Variants in MACF1 observed in about 807,000 individuals in gnomAD.
MACF1 encodes the protein microtubule-actin cross-linking factor 1.
MACF1 carries 193 observed loss-of-function variants against 854.8 expected under a neutral mutation model. That is an observed-to-expected ratio of 0.23 (90% CI 0.20 to 0.25). The LOEUF (loss-of-function observed/expected upper bound fraction) is 0.25, where lower values mean the gene tolerates loss of function less well. Ranked by LOEUF, MACF1 falls within the 10% of genes least tolerant of loss-of-function variation. The pLI, the probability that MACF1 is intolerant of heterozygous loss-of-function variation, is 1.00. For missense variants in MACF1, 7,722 were observed against 8,929.1 expected, an observed-to-expected ratio of 0.86 and a Z score of 5.45; for synonymous variants, 3,185 against 3,226.7, an observed-to-expected ratio of 0.99 and a Z score of 0.44.
At chr1:39,273,653 C>T (rs1452188429) in intron 6 of MACF1, among the ~76,000 whole-genome samples, 1 of 151,714 alleles carries the variant, frequency 6.6e-6, no homozygotes, top group Non-Finnish European at 1.5e-5. Flanking sequence ...GGCTGGAATG[C>T]GGTGGCCCTA....
At chr1:39,410,429 A>G in intron 58 of MACF1, 2 of 1,614,058 alleles carry the variant, frequency 1.2e-6, no homozygotes, top group Non-Finnish European at 1.7e-6. Context: ...TCAAAGCTTA[A>G]CCAGACTTCA....
chr1:39,125,436 A>G (rs1241406811), intron 2 of MACF1, among the ~76,000 whole-genome samples: 1 of 152,230 alleles, frequency 6.6e-6, no homozygotes, highest in East Asian at 1.9e-4. Context: ...TGAATAAGAT[A>G]ATACGTATTA....
chr1:39,193,875 CTGT>C lies in MACF1; in HGVS notation c.221-37301_221-37299del, dbSNP rs767066236. Among the ~76,000 whole-genome samples the C allele has an allele frequency of 6.6e-5, 10 of 152,090 alleles. No homozygotes were observed. In the East Asian group the frequency reaches 1.9e-3, roughly 29 times the overall value. ...TTTTTCTTTTTTTGAGACAGTTTCG[CTGT>C]TGTTGCCCAGGCTGGGGTGCAGTGG... On this transcript the variant is annotated intron_variant, in intron 2 of 93. Transcript: ENST00000361689.
At chr1:39,404,803 G>T (rs866856382) in intron 58 of MACF1, among the ~76,000 whole-genome samples, 8 of 152,166 alleles carry the variant, frequency 5.3e-5, no homozygotes, top group African/African-American at 1.9e-4. Flanking sequence ...CTTCTTTAGA[G>T]TCCTGCCTTC....
intron 58 of MACF1, among the ~76,000 whole-genome samples, chr1:39,421,018 A>T (rs551057219): frequency 1.3e-5 from 2 of 152,084 alleles, no homozygotes; most frequent in African/African-American, 4.8e-5. Flanking sequence ...GGTGCCCGCC[A>T]CCATGCCCGT....
intron 2 of MACF1, among the ~76,000 whole-genome samples, chr1:39,183,955 A>G (rs1644135681): frequency 6.6e-6 from 1 of 152,216 alleles, no homozygotes; most frequent in African/African-American, 2.4e-5. Context: ...CATCAAAGGA[A>G]TTTCAAAGAA....
chr1:39,348,270 C>T (rs1221306104), intron 41 of MACF1, among the ~76,000 whole-genome samples: 2 of 152,048 alleles, frequency 1.3e-5, no homozygotes, highest in African/African-American at 4.8e-5. Flanking sequence ...CATGATATAA[C>T]CTTTGGATAA....
At chr1:39,187,816 GT>G (rs1480972205) in intron 2 of MACF1, among the ~76,000 whole-genome samples, 1 of 150,488 alleles carries the variant, frequency 6.6e-6, no homozygotes, top group East Asian at 2.0e-4. Flanking sequence ...TGCCTTTTAA[GT>G]CTCTCTAAGG....
chr1:39,162,065 G>C (rs1643810156), intron 2 of MACF1, among the ~76,000 whole-genome samples: 1 of 151,194 alleles, frequency 6.6e-6, no homozygotes, highest in Admixed American at 6.6e-5. Context: ...CTGTCTCTCT[G>C]TCTTTTTTTT....
intron 2 of MACF1, among the ~76,000 whole-genome samples, chr1:39,157,990 T>G (rs949862543): frequency 6.6e-6 from 1 of 152,224 alleles, no homozygotes; most frequent in Non-Finnish European, 1.5e-5. Flanking sequence ...CTTTCAAAGA[T>G]GAGTCTAATA....
intron 63 of MACF1, 25 bp downstream of exon 63, chr1:39,428,312 G>T: frequency 6.4e-7 from 1 of 1,551,316 alleles, no homozygotes; most frequent in Non-Finnish European, 8.7e-7. Context: ...ATTTTTATTG[G>T]TTATGTTATT....
chr1:39,099,636 T>A (rs1194217853), intron 2 of MACF1, among the ~76,000 whole-genome samples: 1 of 152,232 alleles, frequency 6.6e-6, no homozygotes, highest in Non-Finnish European at 1.5e-5. Flanking sequence ...CCTTGACCAC[T>A]GAGTGGACAT....
rs761688529 is a variant in MACF1, at chr1:39,435,772, G to A, written c.17988+11G>A. 3.7e-6 allele frequency: 6 copies of A among 1,611,396 alleles called. No individual in the cohort carries two copies. In the South Asian group the frequency reaches 6.6e-5, roughly 18 times the overall value. Reference sequence around the variant, plus strand: ...TCCCAGTCCACACAGGTATGTGTGTGTCTGACACTCATAACCTTGAATTGT... The same window carrying A: ...TCCCAGTCCACACAGGTATGTGTGTATCTGACACTCATAACCTTGAATTGT... On this transcript the variant is annotated intron_variant, in intron 70 of 100. Coordinates refer to ENST00000564288, the MANE Select transcript of MACF1 (RefSeq NM_001394062.1).
At chr1:39,398,063 T>A (rs1472423266) in intron 58 of MACF1, among the ~76,000 whole-genome samples, 6 of 151,906 alleles carry the variant, frequency 3.9e-5, no homozygotes. Context: ...AAGGTCTGTT[T>A]GGCACCAAAG....
chr1:39,486,537 CTT>C lies in MACF1; in HGVS notation c.*744_*745del, dbSNP rs2124277317. ...CTATCCAGCCTAGACACCAGTAACT[CTT>C]GTGTTCACCAGGACCCAGACCCTTG... On this transcript the variant is annotated 3_prime_UTR_variant, in exon 101 of 101. Transcript: ENST00000564288. The C allele has an allele frequency of 6.5e-6, 1 of 152,704 alleles. No individual in the cohort carries two copies. Among genetic ancestry groups the C allele is most frequent in the Non-Finnish European group, 1.5e-5 (1 of 68,028 alleles). The allele number at this position is 152,704 out of a possible 1,614,324, so 9.5% of individuals were successfully genotyped here.
intron 58 of MACF1, 146 bp downstream of exon 58, chr1:39,388,804 A>G (rs1258515547): frequency 1.6e-6 from 1 of 640,932 alleles, no homozygotes; most frequent in East Asian, 3.3e-5. Context: ...TCTGAAGACT[A>G]AATAGTCTCT....
At chr1:39,192,251 A>C (rs1644262952) in intron 2 of MACF1, among the ~76,000 whole-genome samples, 1 of 152,200 alleles carries the variant, frequency 6.6e-6, no homozygotes, top group Non-Finnish European at 1.5e-5. Context: ...TGGGGAAAGC[A>C]TTACTCACCA....
chr1:39,323,120 A>C lies in MACF1; in HGVS notation c.4236+112A>C. On this transcript the variant is annotated intron_variant, in intron 33 of 100. Coordinates refer to ENST00000564288, the MANE Select transcript of MACF1 (RefSeq NM_001394062.1). ...CCCAGGTGGCTGAGTTGGGAGGATTACTTGAGTCTAGGAGTTTGAATCCAG... is the reference window on the plus strand; with the variant it reads ...CCCAGGTGGCTGAGTTGGGAGGATTCCTTGAGTCTAGGAGTTTGAATCCAG... The C allele has an allele frequency of 4.3e-6, 4 of 934,156 alleles. No homozygotes were observed. The South Asian group carries it at 5.4e-5, about 13-fold the overall frequency. 57.9% of individuals were successfully genotyped at this position (934,156 alleles called of 1,614,324 possible).
In MACF1 at chr1:39,105,325, G is replaced by GCCGCCGCCGC. The variant is rs1428871296; in HGVS notation, c.220+20895_220+20904dup. ...CCTGGCGCTCCTGACAGGAGGAGCCGCCGCCGCCGCCCGCCGCTGCAGCCG... is the reference window on the plus strand; with the variant it reads ...CCTGGCGCTCCTGACAGGAGGAGCCGCCGCCGCCGCCCGCCGCCGCCCGCCGCTGCAGCCG... On this transcript the variant is annotated intron_variant, in intron 2 of 93. Transcript: ENST00000361689. This position sits in a 1 kb window ranked among gnomAD's most constrained non-coding sequence, Gnocchi z 5.9. The GCCGCCGCCGC allele has an allele frequency of 1.2e-6, 1 of 860,122 alleles. No individual in the cohort carries two copies. The highest frequency in any genetic ancestry group is 1.2e-4 in the East Asian group (1 of 8,282). 53.3% of individuals were successfully genotyped at this position (860,122 alleles called of 1,614,324 possible).
Sources: allele counts gnomAD v4.1 joint callset (sites outside exome capture counted in the v4.1 genomes callset), GRCh38; gene constraint gnomAD v4.1.1; non-coding constraint Gnocchi (gnomAD v3.1); transcripts MANE v1.5; gene names NCBI Gene and HGNC (gene_info 2026-07-23, HGNC 2026-07-21).